The following ANKRD6 variants were observed in gnomAD, a reference collection of about 807,000 sequenced individuals.
The protein encoded by ANKRD6 is ankyrin repeat domain-containing protein 6.
A neutral mutation model predicts 82.3 loss-of-function variants in ANKRD6; 56 were observed. The ratio of observed to expected loss-of-function variants is 0.68; its 90% confidence interval spans 0.55 to 0.85. The LOEUF (loss-of-function observed/expected upper bound fraction) is 0.85. ANKRD6 is among the 40% of genes least tolerant of loss of function. The probability of loss-of-function intolerance (pLI) is 0.00; values close to 1 mark genes in which losing one functional copy is unlikely to be tolerated. For synonymous variants in ANKRD6, 347 were observed against 352.1 expected (o/e 0.99, Z 0.16); for missense variants, 852 against 907.6 (o/e 0.94, Z 0.79).
chr6:89,462,880 T>C (rs976441520), intron 1 of ANKRD6, among the ~76,000 whole-genome samples: 1 of 151,420 alleles, frequency 6.6e-6, no homozygotes, highest in African/African-American at 2.4e-5. Context: ...TTTTTTTTTT[T>C]TTTCTAAGAG....
chr6:89,573,170 C>T (rs1326489028), intron 2 of ANKRD6, among the ~76,000 whole-genome samples: 1 of 152,184 alleles, frequency 6.6e-6, no homozygotes, highest in African/African-American at 2.4e-5. Flanking sequence ...CTGCCTCAGC[C>T]TCCCAAATAC....
intron 2 of ANKRD6, among the ~76,000 whole-genome samples, chr6:89,580,780 A>G (rs903251497): frequency 6.6e-6 from 1 of 152,176 alleles, no homozygotes; most frequent in African/African-American, 2.4e-5. Flanking sequence ...ACTTACCAGA[A>G]TGGCGTGGCC....
intron 1 of ANKRD6, among the ~76,000 whole-genome samples, chr6:89,535,040 A>C (rs1228031417): frequency 2.0e-5 from 3 of 152,362 alleles, no homozygotes; most frequent in East Asian, 1.9e-4. Flanking sequence ...TTGGACTCTC[A>C]GCTCAGCTTA....
chr6:89,455,045 T>C lies in ANKRD6; in HGVS notation c.-144+21670T>C, dbSNP rs575310444. 3.4e-4 allele frequency among the ~76,000 whole-genome samples: 52 copies of C among 152,202 alleles called. 1 individual carries two copies. Among genetic ancestry groups the C allele is most frequent in the African/African-American group, 1.2e-3 (51 of 41,534 alleles). ...TTTTAGTAGAGACAGGGTTTTGTCATGTTGGCCAGGCTGGTCTCGAACTCT... is the reference window on the plus strand; with the variant it reads ...TTTTAGTAGAGACAGGGTTTTGTCACGTTGGCCAGGCTGGTCTCGAACTCT... On this transcript the variant is annotated intron_variant, in intron 1 of 15. Coordinates refer to ENST00000339746, the MANE Select transcript of ANKRD6 (RefSeq NM_001242809.2).
chr6:89,559,852 T>C (rs75870537), intron 1 of ANKRD6, among the ~76,000 whole-genome samples: 1,752 of 152,318 alleles, frequency 0.012, 32 homozygotes, highest in African/African-American at 0.04. Flanking sequence ...TTGGAGGGTC[T>C]GGAGCCAGAG....
chr6:89,533,183 G>A (rs1783398015), intron 1 of ANKRD6, among the ~76,000 whole-genome samples: 1 of 151,836 alleles, frequency 6.6e-6, no homozygotes, highest in Non-Finnish European at 1.5e-5. Context: ...CCGATTTTTT[G>A]TATTTTTTAT....
chr6:89,576,707 T>G (rs557426324), intron 2 of ANKRD6, among the ~76,000 whole-genome samples: 3 of 152,084 alleles, frequency 2.0e-5, no homozygotes, highest in Non-Finnish European at 2.9e-5. Context: ...TCCCGTTGGG[T>G]CTGTCAGCTC....
intron 1 of ANKRD6, among the ~76,000 whole-genome samples, chr6:89,500,617 T>A (rs1779157324): frequency 1.3e-5 from 2 of 152,104 alleles, no homozygotes; most frequent in Non-Finnish European, 1.5e-5. Flanking sequence ...TTCTCAGAAA[T>A]CGTGTAATGG....
At chr6:89,438,478 A>G (rs1770927305) in intron 1 of ANKRD6, among the ~76,000 whole-genome samples, 1 of 152,238 alleles carries the variant, frequency 6.6e-6, no homozygotes, top group African/African-American at 2.4e-5. Flanking sequence ...ACTAGATTCA[A>G]GGAAGCTAGG....
At chr6:89,622,678 TC>T (rs1803923383) in intron 10 of ANKRD6, among the ~76,000 whole-genome samples, 1 of 152,166 alleles carries the variant, frequency 6.6e-6, no homozygotes, top group Admixed American at 6.5e-5. Flanking sequence ...TTTCAGCTCC[TC>T]TTGCCCCACA....
intron 1 of ANKRD6, among the ~76,000 whole-genome samples, chr6:89,440,551 G>A (rs1771244122): frequency 6.6e-6 from 1 of 152,144 alleles, no homozygotes; most frequent in Non-Finnish European, 1.5e-5. Flanking sequence ...CCACTTCTCA[G>A]TTGCCTTCGG....
At chr6:89,572,668 T>G (rs1562874089) in intron 2 of ANKRD6, among the ~76,000 whole-genome samples, 2 of 152,220 alleles carry the variant, frequency 1.3e-5, no homozygotes, top group African/African-American at 4.8e-5. Context: ...ATTTAGGTTT[T>G]TATTCCATTT....
At chr6:89,555,166 A>T (rs1036990597) in intron 1 of ANKRD6, among the ~76,000 whole-genome samples, 2 of 140,488 alleles carry the variant, frequency 1.4e-5, no homozygotes. Context: ...AGTCAGCTTT[A>T]TTCTATCTCA....
At chr6:89,473,179 G>A (rs1374346119) in intron 1 of ANKRD6, among the ~76,000 whole-genome samples, 1 of 152,146 alleles carries the variant, frequency 6.6e-6, no homozygotes, top group Non-Finnish European at 1.5e-5. Flanking sequence ...GGGAGGCTGA[G>A]GTGGATAGAT....
At chr6:89,590,601 A>G (rs1450036794) in intron 2 of ANKRD6, among the ~76,000 whole-genome samples, 1 of 152,188 alleles carries the variant, frequency 6.6e-6, no homozygotes, top group East Asian at 1.9e-4. Context: ...GCTAAGGTAA[A>G]ACACCCAAGA....
At chr6:89,625,085 C>T (rs763223071) in intron 13 of ANKRD6, among the ~76,000 whole-genome samples, 28 of 152,104 alleles carry the variant, frequency 1.8e-4, no homozygotes, top group Non-Finnish European at 3.7e-4. Flanking sequence ...GAGTTCGAGA[C>T]CAGCCTGGCC....
rs79453192 is a variant in ANKRD6 at position 89,475,305 on chromosome 6, C to T, written c.-144+41930C>T. Among the ~76,000 whole-genome samples the T allele has an allele frequency of 7.0e-3, 1,067 of 152,330 alleles. 15 individuals carry two copies. Among genetic ancestry groups the T allele is most frequent in the African/African-American group, 0.023 (974 of 41,576 alleles). On this transcript the variant is annotated intron_variant, in intron 1 of 15. Transcript: ENST00000339746. ...ATATCAGAGTCATGCACGTATGACT[C>T]TTATTCCATGACTGTCTTCAAATTG...
Position 89,631,233 on chromosome 6 carries a change from A to G in ANKRD6, c.*229A>G, listed in dbSNP as rs1014783926. 2.8e-6 allele frequency: 2 copies of G among 709,490 alleles called. No homozygotes were observed. Among genetic ancestry groups the G allele is most frequent in the Non-Finnish European group, 4.0e-6 (2 of 495,688 alleles). The allele number at this position is 709,490 out of a possible 1,614,324, so 43.9% of individuals were successfully genotyped here. On this transcript the variant is annotated 3_prime_UTR_variant, in exon 16 of 16. Coordinates refer to ENST00000339746, the MANE Select transcript of ANKRD6 (RefSeq NM_001242809.2). ...AGCTTGCTTAGTTTTGGGTTTCATT[A>G]TAAACTCTTAGCCTCAGTCCAGGTT... is the stretch of plus-strand genomic sequence containing the variant.
chr6:89,580,664 T>C lies in ANKRD6; in HGVS notation c.120+13568T>C, dbSNP rs565013083. 1.3e-4 allele frequency among the ~76,000 whole-genome samples: 20 copies of C among 152,124 alleles called. No individual in the cohort carries two copies. The South Asian group carries it at 2.9e-3, about 22-fold the overall frequency. The stretch of plus-strand genomic sequence containing the variant: ...GACAAAACCTCACTTCCACGAGGGA[T>C]TTGCGATGCTGGTGTTCTAAGGCAG... On this transcript the variant is annotated intron_variant, in intron 2 of 15. Transcript: ENST00000339746.
Sources: gnomAD v4.1 joint callset for allele counts (sites outside exome capture counted in the v4.1 genomes callset) on GRCh38, gnomAD v4.1.1 for gene constraint, MANE v1.5 for transcripts, NCBI Gene and HGNC (gene_info 2026-07-23, HGNC 2026-07-21) for gene names.